The following CEP112 variants were observed in gnomAD, a reference collection of about 807,000 sequenced individuals.
CEP112 encodes centrosomal protein 112, also known as centrosomal protein of 112 kDa.
Under a neutral mutation model 153.0 loss-of-function variants are expected in CEP112, and 127 were observed. The observed-to-expected ratio is 0.83, with a 90% CI of 0.72 to 0.96. The LOEUF (loss-of-function observed/expected upper bound fraction) is 0.96, where lower values mean the gene tolerates loss of function less well. Ranked by LOEUF, CEP112 falls within the 40% of genes least tolerant of loss-of-function variation. The pLI is 0.00. For synonymous variants in CEP112, 358 were observed against 374.4 expected, an observed-to-expected ratio of 0.96 and a Z score of 0.51; for missense variants, 1,089 against 1,101.2, an observed-to-expected ratio of 0.99 and a Z score of 0.16.
At chr17:65,870,090 GAA>G (rs1235890400) in intron 20 of CEP112, among the ~76,000 whole-genome samples, 1 of 150,626 alleles carries the variant, frequency 6.6e-6, no homozygotes, top group East Asian at 1.9e-4. Flanking sequence ...AGAAAAGAAA[GAA>G]AGAGAAAATA....
At chr17:65,950,185 G>A (rs1382572792) in intron 18 of CEP112, among the ~76,000 whole-genome samples, 1 of 151,972 alleles carries the variant, frequency 6.6e-6, no homozygotes, top group Non-Finnish European at 1.5e-5. Flanking sequence ...TGTGTTAGGT[G>A]GAAAATAGCT....
At chr17:65,717,456 G>T (rs906585925) in intron 23 of CEP112, among the ~76,000 whole-genome samples, 1 of 152,162 alleles carries the variant, frequency 6.6e-6, no homozygotes, top group African/African-American at 2.4e-5. Context: ...CTGGTTTTCA[G>T]AACTGCCATA....
intron 9 of CEP112, among the ~76,000 whole-genome samples, chr17:66,068,306 T>C (rs1427265238): frequency 6.6e-6 from 1 of 152,064 alleles, no homozygotes; most frequent in African/African-American, 2.4e-5. Context: ...CGGGGCACAG[T>C]AGCACATGCA....
At chr17:65,889,075 TG>T (rs1433922488) in intron 20 of CEP112, among the ~76,000 whole-genome samples, 1 of 152,168 alleles carries the variant, frequency 6.6e-6, no homozygotes, top group Non-Finnish European at 1.5e-5. Flanking sequence ...GAAACCTTAC[TG>T]GTCTCAGGAG....
At chr17:65,784,901 G>C (rs920053305) in intron 21 of CEP112, among the ~76,000 whole-genome samples, 2 of 151,816 alleles carry the variant, frequency 1.3e-5, no homozygotes, top group Non-Finnish European at 2.9e-5. Flanking sequence ...TTATCACCAC[G>C]ACAAAATTCT....
chr17:66,070,509 G>A (rs542494467), intron 8 of CEP112, among the ~76,000 whole-genome samples: 1 of 151,758 alleles, frequency 6.6e-6, no homozygotes, highest in Admixed American at 6.6e-5. Context: ...CATATCTTTC[G>A]ACAGTTTTTC....
chr17:65,723,479 A>G (rs2050008476), intron 23 of CEP112, among the ~76,000 whole-genome samples: 1 of 152,258 alleles, frequency 6.6e-6, no homozygotes, highest in Non-Finnish European at 1.5e-5. Context: ...AGCGTTGTAC[A>G]GGAAGCCAAG....
intron 20 of CEP112, among the ~76,000 whole-genome samples, chr17:65,883,967 G>A (rs1164728688): frequency 2.0e-5 from 3 of 152,126 alleles, no homozygotes; most frequent in African/African-American, 4.8e-5. Flanking sequence ...CTGAATGTAC[G>A]GTACATAGGG....
intron 17 of CEP112, among the ~76,000 whole-genome samples, chr17:65,996,128 ACGTG>A (rs756845004): frequency 2.2e-5 from 2 of 91,678 alleles, no homozygotes; most frequent in African/African-American, 8.3e-5. Context: ...GGAAAAATAT[ACGTG>A]TGTGTGTGTG....
chr17:65,938,446 AT>A (rs1386148406), intron 18 of CEP112, among the ~76,000 whole-genome samples: 2 of 151,848 alleles, frequency 1.3e-5, no homozygotes, highest in African/African-American at 4.8e-5. Flanking sequence ...AGAAAAAAAA[AT>A]ACCATAACAT....
chr17:65,927,149 C>G (rs2060956416), intron 19 of CEP112, among the ~76,000 whole-genome samples: 1 of 152,038 alleles, frequency 6.6e-6, no homozygotes, highest in Non-Finnish European at 1.5e-5. Context: ...CCTCGCTTCT[C>G]TCTCTCTCTC....
intron 18 of CEP112, 43 bp downstream of exon 18, chr17:65,961,420 G>A (rs375937378): frequency 2.6e-6 from 4 of 1,538,954 alleles, no homozygotes; most frequent in East Asian, 2.3e-5. Context: ...CCTTCCTACT[G>A]AGAGAGTGAC....
In CEP112 at chr17:65,786,305, G is replaced by GT. The variant is rs142283756; in HGVS notation, c.2395-35582dup. On this transcript the variant is annotated intron_variant, in intron 21 of 26. Coordinates refer to ENST00000535342, the MANE Select transcript of CEP112 (RefSeq NM_001199165.4). ...TGGTAAACTCTTATTTTTCAAACAG[G>GT]TTTTTTTTTTGGTAGGATTCCTGAG... is the stretch of plus-strand genomic sequence containing the variant. 7.8e-3 allele frequency among the ~76,000 whole-genome samples: 1,152 copies of GT among 147,384 alleles called. 16 individuals carry two copies. The highest frequency in any genetic ancestry group is 0.026 in the African/African-American group (1,058 of 40,288).
intron 4 of CEP112, among the ~76,000 whole-genome samples, chr17:66,133,989 A>C (rs2070319293): frequency 6.6e-6 from 1 of 152,164 alleles, no homozygotes; most frequent in African/African-American, 2.4e-5. Context: ...AAATCAAATG[A>C]GAAAAATGGG....
chr17:66,005,735 T>C lies in CEP112; in HGVS notation c.1691A>G (p.Lys564Arg). 1 of 1,609,732 alleles carries C rather than the reference T, an allele frequency of 6.2e-7. No homozygotes were observed. The highest frequency in any genetic ancestry group is 1.1e-5 in the South Asian group (1 of 90,272). ...ATGAATTTTCTTTTGAGTATCTTCT[T>C]TTCCTTTATCAAGTTCACTCTGCAA... ...HDLQSELDKG[K>R]EDTQKKIHKF... The change falls in exon 17 of 27, where the codon AAA becomes AGA. Residue 564 changes from lysine to arginine, a missense_variant. Coordinates refer to ENST00000535342, the MANE Select transcript of CEP112 (RefSeq NM_001199165.4).
intron 21 of CEP112, 86 bp from the exon 22 acceptor site, chr17:65,750,810 T>G: frequency 5.7e-6 from 7 of 1,224,020 alleles, no homozygotes; most frequent in South Asian, 2.5e-5. Context: ...GCAGCTGGGA[T>G]GCCTGCCAGC....
chr17:65,781,056 A>G lies in CEP112; in HGVS notation c.2395-30332T>C, dbSNP rs80354555. On this transcript the variant is annotated intron_variant, in intron 21 of 26. Coordinates refer to ENST00000535342, the MANE Select transcript of CEP112 (RefSeq NM_001199165.4). The stretch of plus-strand genomic sequence containing the variant: ...TTCAATATAAAACAGTGGTCTCAAT[A>G]CTTAACAAAAGCTCTATTTCCTATA... 4.6e-5 allele frequency among the ~76,000 whole-genome samples: 7 copies of G among 152,248 alleles called. No individual in the cohort carries two copies. In the East Asian group the frequency reaches 1.3e-3, roughly 29 times the overall value.
chr17:65,950,074 C>G (rs78205602), intron 18 of CEP112, among the ~76,000 whole-genome samples: 2 of 152,216 alleles, frequency 1.3e-5, no homozygotes, highest in Non-Finnish European at 2.9e-5. Flanking sequence ...AATGGAGACA[C>G]AGTGTTAAAA....
At chr17:65,795,977 A>T (rs1403925971) in intron 21 of CEP112, among the ~76,000 whole-genome samples, 4 of 152,164 alleles carry the variant, frequency 2.6e-5, no homozygotes, top group Admixed American at 2.6e-4. Flanking sequence ...CATTTCAGGT[A>T]GAGTTTGCCC....
Sources: allele counts gnomAD v4.1 joint callset (sites outside exome capture counted in the v4.1 genomes callset), GRCh38; gene constraint gnomAD v4.1.1; transcripts MANE v1.5; gene names NCBI Gene and HGNC (gene_info 2026-07-23, HGNC 2026-07-21).